CD2AP: variants seen among roughly 807,000 people sequenced by gnomAD.
CD2AP encodes the protein CD2-associated protein.
In CD2AP, 46 loss-of-function variants were observed where a neutral mutation model predicts 85.1. The ratio of observed to expected loss-of-function variants is 0.54; its 90% CI spans 0.43 to 0.69. The LOEUF (loss-of-function observed/expected upper bound fraction) is 0.69. CD2AP is among the 30% of genes least tolerant of loss of function. CD2AP has a pLI of 0.00. For missense variants in CD2AP, 769 were observed against 729.5 expected, an observed-to-expected ratio of 1.05 and a Z score of -0.62; for synonymous variants, 255 against 252.9, an observed-to-expected ratio of 1.01 and a Z score of -0.08.
At position 47,533,732 on chromosome 6, in the gene CD2AP, C is replaced by G. The variant is rs1330323668; in HGVS notation, c.296C>G (p.Pro99Arg). 3 of 1,613,888 alleles carry G rather than the reference C, an allele frequency of 1.9e-6. No homozygotes were observed. The highest frequency in any genetic ancestry group is 2.5e-6 in the Non-Finnish European group (3 of 1,179,982). The change falls in exon 3 of 18, where the codon CCA (proline) becomes CGA (arginine). Residue 99 changes from proline (P) to arginine (R), a missense_variant. Coordinates refer to ENST00000359314, the MANE Select transcript of CD2AP (RefSeq NM_012120.3). ...GLPAGGIQPH[P>R]QTKNIKKKTK... Reference sequence around the variant, plus strand: ...CCAGCTGGAGGAATTCAGCCACATCCACAAACCAAAAACATTAAGAAGAGT... The same window carrying G: ...CCAGCTGGAGGAATTCAGCCACATCGACAAACCAAAAACATTAAGAAGAGT...
At chr6:47,528,358 A>G (rs1766783938) in intron 2 of CD2AP, among the ~76,000 whole-genome samples, 1 of 152,148 alleles carries the variant, frequency 6.6e-6, no homozygotes, top group South Asian at 2.1e-4. Flanking sequence ...TATTTTTAGT[A>G]GAGAGGTGGT....
chr6:47,495,793 ATTTG>A (rs764865450), intron 1 of CD2AP, among the ~76,000 whole-genome samples: 3 of 152,284 alleles, frequency 2.0e-5, no homozygotes, highest in East Asian at 1.9e-4. Flanking sequence ...TATTTTAAAA[ATTTG>A]TTTGTTCTTT....
intron 11 of CD2AP, among the ~76,000 whole-genome samples, chr6:47,586,656 G>A (rs977166807): frequency 2.0e-5 from 3 of 152,044 alleles, no homozygotes; most frequent in African/African-American, 7.2e-5. Flanking sequence ...ATTGCCAGTA[G>A]AACTGTATTA....
intron 3 of CD2AP, among the ~76,000 whole-genome samples, chr6:47,540,447 A>G (rs979547945): frequency 6.6e-6 from 1 of 152,194 alleles, no homozygotes; most frequent in East Asian, 1.9e-4. Context: ...CCCTATTTAA[A>G]TATGAAATAA....
chr6:47,613,550 A>C (rs1319945692), intron 17 of CD2AP, among the ~76,000 whole-genome samples: 2 of 151,680 alleles, frequency 1.3e-5, no homozygotes, highest in East Asian at 3.9e-4. Flanking sequence ...CTGTGGGCTT[A>C]AAATATTCAG....
At chr6:47,573,522 CCTG>C (rs1292571820) in intron 5 of CD2AP, among the ~76,000 whole-genome samples, 1 of 142,452 alleles carries the variant, frequency 7.0e-6, no homozygotes, top group Non-Finnish European at 1.5e-5. Context: ...GGAGTCTTGC[CCTG>C]TCGCCCAGGC....
intron 1 of CD2AP, among the ~76,000 whole-genome samples, chr6:47,486,111 TGA>T (rs1765558996): frequency 6.6e-6 from 1 of 152,190 alleles, no homozygotes; most frequent in South Asian, 2.1e-4. Flanking sequence ...AAGCTGCTGG[TGA>T]GAGTTTAATC....
intron 11 of CD2AP, among the ~76,000 whole-genome samples, chr6:47,584,748 C>T (rs892605730): frequency 6.6e-6 from 1 of 151,868 alleles, no homozygotes; most frequent in East Asian, 1.9e-4. Context: ...AAATATTAGT[C>T]TCAGATTAAT....
At chr6:47,566,323 T>TACAC (rs1428713911) in intron 5 of CD2AP, among the ~76,000 whole-genome samples, 4 of 108,452 alleles carry the variant, frequency 3.7e-5, no homozygotes, top group South Asian at 7.0e-4. Context: ...TATATATATA[T>TACAC]ACACATACAC....
chr6:47,615,492 A>C (rs1769552193), intron 17 of CD2AP, among the ~76,000 whole-genome samples: 1 of 152,088 alleles, frequency 6.6e-6, no homozygotes, highest in South Asian at 2.1e-4. Flanking sequence ...TCATGGTGAA[A>C]GGGGAAGTAG....
At chr6:47,611,203 A>G (rs1381072670) in intron 16 of CD2AP, among the ~76,000 whole-genome samples, 1 of 151,326 alleles carries the variant, frequency 6.6e-6, no homozygotes, top group African/African-American at 2.4e-5. Flanking sequence ...AATTAATCTA[A>G]ACATTGAGAG....
At chr6:47,609,513 CAA>C (rs10580796) in intron 16 of CD2AP, 2,683 of 141,472 alleles carry the variant, frequency 0.019, 20 homozygotes, top group East Asian at 0.054. Flanking sequence ...CCCATCTTTG[CAA>C]AAAAAAAAAA....
intron 17 of CD2AP, among the ~76,000 whole-genome samples, chr6:47,612,824 A>C (rs952091013): frequency 6.6e-6 from 1 of 152,044 alleles, no homozygotes; most frequent in African/African-American, 2.4e-5. Flanking sequence ...ACTCATAGAG[A>C]TAGAGAACAG....
At chr6:47,540,577 T>C (rs1378679843) in intron 3 of CD2AP, among the ~76,000 whole-genome samples, 1 of 152,210 alleles carries the variant, frequency 6.6e-6, no homozygotes, top group Non-Finnish European at 1.5e-5. Context: ...TTTTCATTTT[T>C]TGCAAATGAT....
intron 3 of CD2AP, among the ~76,000 whole-genome samples, chr6:47,535,695 T>C (rs1767021514): frequency 6.6e-6 from 1 of 152,196 alleles, no homozygotes; most frequent in African/African-American, 2.4e-5. Flanking sequence ...GCAGTTCTGA[T>C]GATGATGAAT....
In CD2AP at chr6:47,615,778, TTTTAA is replaced by T. The variant is rs1554129248; in HGVS notation, c.1878+3257_1878+3261del. On this transcript the variant is annotated intron_variant, in intron 17 of 17. Transcript: ENST00000359314. ...AGCTGAAATTTAATTTTAATTTTAA[TTTTAA>T]TTTAATTTAATTTATTTATTTATTT... Among the ~76,000 whole-genome samples the T allele has an allele frequency of 5.0e-4, 52 of 104,658 alleles. No individual in the cohort carries two copies. In the South Asian group the frequency reaches 0.019, roughly 39 times the overall value. 68.7% of individuals were successfully genotyped at this position (104,658 alleles called of 152,430 possible).
chr6:47,577,890 A>C (rs1432125060), intron 8 of CD2AP, among the ~76,000 whole-genome samples: 1 of 152,110 alleles, frequency 6.6e-6, no homozygotes, highest in Non-Finnish European at 1.5e-5. Flanking sequence ...ATTGTTTTAC[A>C]CTGACTTTGT....
chr6:47,498,003 CCT>C (rs1395989227), intron 1 of CD2AP, among the ~76,000 whole-genome samples: 1 of 150,124 alleles, frequency 6.7e-6, no homozygotes, highest in African/African-American at 2.5e-5. Flanking sequence ...TTCATGTCTT[CCT>C]CTGTTTTGGT....
At chr6:47,549,334 T>G (rs781689187) in intron 4 of CD2AP, among the ~76,000 whole-genome samples, 9 of 151,718 alleles carry the variant, frequency 5.9e-5, no homozygotes, top group Non-Finnish European at 1.0e-4. Context: ...CTCCTAGAAC[T>G]GAGAAAAGAA....
Sources: gnomAD v4.1 joint callset for allele counts (sites outside exome capture counted in the v4.1 genomes callset) on GRCh38, gnomAD v4.1.1 for gene constraint, MANE v1.5 for transcripts, NCBI Gene and HGNC (gene_info 2026-07-23, HGNC 2026-07-21) for gene names.